SYT2: variants seen among roughly 807,000 people sequenced by gnomAD.
SYT2 encodes the protein synaptotagmin 2.
Under a neutral mutation model 39.9 loss-of-function variants are expected in SYT2, and 15 were observed. The ratio of observed to expected loss-of-function variants is 0.38; its 90% CI spans 0.25 to 0.58. SYT2 has a LOEUF of 0.58. Ranked by LOEUF, SYT2 falls within the 20% of genes least tolerant of loss-of-function variation. The probability of loss-of-function intolerance (pLI) is 0.70; values close to 1 mark genes in which losing one functional copy is unlikely to be tolerated. For synonymous variants in SYT2, 181 were observed against 204.5 expected (o/e 0.89, Z 0.98); for missense variants, 389 against 530.3 (o/e 0.73, Z 2.62).
rs1690082989 is a variant in SYT2 at position 202,590,851 on chromosome 1, T to G, written c.*5906A>C. 1 of 151,650 alleles carries G rather than the reference T, an allele frequency of 6.6e-6. No homozygotes were observed. 9.4% of individuals were successfully genotyped at this position (151,650 alleles called of 1,614,324 possible). On this transcript the variant is annotated 3_prime_UTR_variant, in exon 9 of 9. Transcript: ENST00000367268. ...GATTTTGAAGTTTTCAGCCCCAGGGTTTTCAGAAAGCAGCAAATCAAGTCC... is the reference window on the plus strand; with the variant it reads ...GATTTTGAAGTTTTCAGCCCCAGGGGTTTCAGAAAGCAGCAAATCAAGTCC...
chr1:202,691,560 G>A (rs930818618), intron 1 of SYT2, among the ~76,000 whole-genome samples: 46 of 151,658 alleles, frequency 3.0e-4, no homozygotes, highest in African/African-American at 1.1e-3. Flanking sequence ...TGAGGCAGGA[G>A]GATCACTTGA....
intron 1 of SYT2, among the ~76,000 whole-genome samples, chr1:202,691,828 T>C (rs1238535297): frequency 7.6e-6 from 1 of 131,428 alleles, no homozygotes; most frequent in African/African-American, 2.9e-5. Context: ...TAGAGGAGAG[T>C]TCCCTCCTCC....
At chr1:202,658,660 G>A (rs911146950) in intron 1 of SYT2, among the ~76,000 whole-genome samples, 6 of 120,010 alleles carry the variant, frequency 5.0e-5, no homozygotes, top group Admixed American at 2.1e-4. Context: ...TGCAGTGGTC[G>A]GATTTTTTTT....
chr1:202,639,301 A>G (rs1691835060), intron 1 of SYT2, among the ~76,000 whole-genome samples: 1 of 152,202 alleles, frequency 6.6e-6, no homozygotes, highest in Non-Finnish European at 1.5e-5. Flanking sequence ...TGCTGCAGTC[A>G]AGGCATTTTA....
At chr1:202,645,907 A>G (rs991424966) in intron 1 of SYT2, among the ~76,000 whole-genome samples, 2 of 152,176 alleles carry the variant, frequency 1.3e-5, no homozygotes, top group African/African-American at 4.8e-5. Flanking sequence ...CCTGATAGGG[A>G]TGACAATGAC....
chr1:202,707,287 TTG>T (rs1465378785), intron 1 of SYT2, among the ~76,000 whole-genome samples: 1 of 152,150 alleles, frequency 6.6e-6, no homozygotes, highest in Non-Finnish European at 1.5e-5. Flanking sequence ...ATGTCAGACT[TTG>T]TACTTAGCAG....
At chr1:202,655,524 G>A (rs1471794907) in intron 1 of SYT2, among the ~76,000 whole-genome samples, 1 of 152,162 alleles carries the variant, frequency 6.6e-6, no homozygotes, top group African/African-American at 2.4e-5. Flanking sequence ...CACCGTTTAC[G>A]CACTGTGCTG....
intron 1 of SYT2, among the ~76,000 whole-genome samples, chr1:202,673,221 G>A (rs1301409673): frequency 1.3e-5 from 2 of 152,142 alleles, no homozygotes; most frequent in Admixed American, 6.5e-5. Flanking sequence ...ATCTGAAAAG[G>A]GGAAAATGTC....
chr1:202,660,128 C>T (rs1359814703), intron 1 of SYT2, among the ~76,000 whole-genome samples: 1 of 152,174 alleles, frequency 6.6e-6, no homozygotes, highest in Non-Finnish European at 1.5e-5. Context: ...GGACAAGGGG[C>T]TGGGTTCTGA....
intron 1 of SYT2, among the ~76,000 whole-genome samples, chr1:202,627,759 C>G (rs964939459): frequency 8.5e-5 from 13 of 152,212 alleles, no homozygotes; most frequent in African/African-American, 3.1e-4. Context: ...TCTTCACTTT[C>G]GTTTCCTCCA....
intron 1 of SYT2, among the ~76,000 whole-genome samples, chr1:202,702,974 A>C (rs149755216): frequency 6.6e-6 from 1 of 152,150 alleles, no homozygotes; most frequent in East Asian, 1.9e-4. Flanking sequence ...AGAAGCAGAG[A>C]AGGCCCCGCT....
Position 202,650,435 on chromosome 1 carries a change from C to CTT in SYT2, c.-17-44648_-17-44647dup, listed in dbSNP as rs68013997. On this transcript the variant is annotated intron_variant, in intron 1 of 8. Transcript: ENST00000367268. ...GTCTGCCAAACATTTGTTTCATATG[C>CTT]TTTTGTTTTTTTTTTTTTGAGACAT... Among the ~76,000 whole-genome samples the CTT allele has an allele frequency of 2.0e-3, 281 of 143,232 alleles. 11 individuals carry two copies. The highest frequency in any genetic ancestry group is 7.2e-3 in the Middle Eastern group (2 of 276). The allele number at this position is 143,232 out of a possible 152,430, so 94.0% of individuals were successfully genotyped here.
chr1:202,630,616 G>A (rs1361077422), intron 1 of SYT2, among the ~76,000 whole-genome samples: 1 of 152,130 alleles, frequency 6.6e-6, no homozygotes, highest in East Asian at 1.9e-4. Flanking sequence ...CCTGGAAAGT[G>A]CAGTGATGAC....
At chr1:202,630,091 C>A (rs1691537749) in intron 1 of SYT2, among the ~76,000 whole-genome samples, 1 of 152,128 alleles carries the variant, frequency 6.6e-6, no homozygotes, top group Non-Finnish European at 1.5e-5. Flanking sequence ...GAAAATGACT[C>A]CATGGCAATA....
rs1042300501 is a variant in SYT2 at position 202,595,406 on chromosome 1, C to T, written c.*1351G>A. The T allele has an allele frequency of 6.6e-6, 1 of 152,218 alleles. No individual in the cohort carries two copies. The highest frequency in any genetic ancestry group is 2.4e-5 in the African/African-American group (1 of 41,442). The allele number at this position is 152,218 out of a possible 1,614,324, so 9.4% of individuals were successfully genotyped here. A position where few individuals can be genotyped will look rare whatever the true frequency, so the allele number is the denominator to read the frequency against. ...CCCCCTAATGGTAGGACGGGTCCTT[C>T]CCATAGGTCTCCCTGGGCCACTCCA... On this transcript the variant is annotated 3_prime_UTR_variant, in exon 9 of 9. Coordinates refer to ENST00000367268, the MANE Select transcript of SYT2 (RefSeq NM_177402.5).
At chr1:202,619,601 G>A (rs764537580) in intron 1 of SYT2, among the ~76,000 whole-genome samples, 1 of 152,230 alleles carries the variant, frequency 6.6e-6, no homozygotes, top group Non-Finnish European at 1.5e-5. Context: ...TCAGTGGACT[G>A]GAATGTGCCC....
At chr1:202,706,707 C>T (rs1654261416) in intron 1 of SYT2, among the ~76,000 whole-genome samples, 1 of 152,152 alleles carries the variant, frequency 6.6e-6, no homozygotes, top group Non-Finnish European at 1.5e-5. Context: ...CTTCTGGAGT[C>T]CAGGAGAAGC....
chr1:202,636,264 A>G (rs1416995717), intron 1 of SYT2, among the ~76,000 whole-genome samples: 1 of 152,202 alleles, frequency 6.6e-6, no homozygotes, highest in East Asian at 1.9e-4. Context: ...GATTCAGCCC[A>G]GAGCCACCCA....
At chr1:202,706,433 C>G (rs895954220) in intron 1 of SYT2, among the ~76,000 whole-genome samples, 1 of 152,104 alleles carries the variant, frequency 6.6e-6, no homozygotes, top group African/African-American at 2.4e-5. Context: ...TTACTCCTCC[C>G]GCGCCAGGCA....
Sources: gnomAD v4.1 joint callset for allele counts (sites outside exome capture counted in the v4.1 genomes callset) on GRCh38, gnomAD v4.1.1 for gene constraint, MANE v1.5 for transcripts, NCBI Gene and HGNC (gene_info 2026-07-23, HGNC 2026-07-21) for gene names.